TNIP2: variants seen among roughly 807,000 people sequenced by gnomAD.
TNIP2 encodes TNFAIP3 interacting protein 2.
In TNIP2, 30 loss-of-function variants were observed where a neutral mutation model predicts 43.7. The ratio of observed to expected loss-of-function variants is 0.69; its 90% CI spans 0.51 to 0.93. TNIP2 has a LOEUF of 0.93. TNIP2 is among the 40% of genes least tolerant of loss of function. The pLI is 0.00. For missense variants in TNIP2, 599 were observed against 591.0 expected, an observed-to-expected ratio of 1.01 and a Z score of -0.14; for synonymous variants, 260 against 254.6, an observed-to-expected ratio of 1.02 and a Z score of -0.20.
At chr4:2,743,228 G>A (rs761048301) in intron 5 of TNIP2, among the ~76,000 whole-genome samples, 26 of 152,070 alleles carry the variant, frequency 1.7e-4, no homozygotes, top group Non-Finnish European at 3.2e-4. Context: ...AACCCTCGAG[G>A]GGCCACAGGC....
chr4:2,748,589 A>G (rs1327666497), intron 1 of TNIP2, among the ~76,000 whole-genome samples: 2 of 151,440 alleles, frequency 1.3e-5, no homozygotes, highest in African/African-American at 4.9e-5. Context: ...TGATCCGCCT[A>G]CCTCGGCATC....
intron 1 of TNIP2, among the ~76,000 whole-genome samples, chr4:2,749,547 G>C (rs1434917017): frequency 6.6e-6 from 1 of 152,210 alleles, no homozygotes; most frequent in Non-Finnish European, 1.5e-5. Flanking sequence ...AAAGATAGGA[G>C]TGACGTCTTG....
At chr4:2,747,410 CGG>C in intron 2 of TNIP2, 1 of 471,206 alleles carries the variant, frequency 2.1e-6, no homozygotes, top group Non-Finnish European at 3.8e-6. Context: ...CACCTGGGAG[CGG>C]GGTCGGCCAC....
At chr4:2,755,608 T>C (rs578156005) in intron 1 of TNIP2, among the ~76,000 whole-genome samples, 2 of 112,642 alleles carry the variant, frequency 1.8e-5, no homozygotes, top group Admixed American at 2.0e-4. Flanking sequence ...GCCCGTGGTG[T>C]CCCCTTATCC....
chr4:2,742,131 C>A lies in TNIP2; in HGVS notation c.*126G>T. The A allele has an allele frequency of 1.0e-6, 1 of 963,022 alleles. No individual in the cohort carries two copies. Among genetic ancestry groups the A allele is most frequent in the Non-Finnish European group, 1.4e-6 (1 of 715,568 alleles). The allele number at this position is 963,022 out of a possible 1,614,324, so 59.7% of individuals were successfully genotyped here. ...GGACCAAAGTGAACGATCAGAGTGC[C>A]CCGCAACTATTCTAGGGGCCTTGGC... On this transcript the variant is annotated 3_prime_UTR_variant, in exon 6 of 6. Transcript: ENST00000315423.
At chr4:2,753,827 G>C (rs1722160056) in intron 1 of TNIP2, among the ~76,000 whole-genome samples, 1 of 152,228 alleles carries the variant, frequency 6.6e-6, no homozygotes, top group Admixed American at 6.5e-5. Flanking sequence ...AGTGAGTCAG[G>C]ATGTACCTTC....
At position 2,742,413 on chromosome 4, in the gene TNIP2, C is replaced by T; in HGVS notation, c.1134G>A (p.Gly378=). ...GGGGTTCTGGCTGCTGGGACCCAGT[C>T]CCAGGCCTCCAGCCACCAGGCACCA... ...ELMVPGGWRP[G]TGSQQPEPPA... The change falls in exon 6 of 6, where the codon GGG becomes GGA. Residue 378 remains glycine, a synonymous_variant. Transcript: ENST00000315423. The T allele has an allele frequency of 1.9e-6, 3 of 1,612,676 alleles. No homozygotes were observed. The highest frequency in any genetic ancestry group is 2.5e-6 in the Non-Finnish European group (3 of 1,179,238).
rs1721927805 is a variant in TNIP2 at position 2,745,653 on chromosome 4, G to A, written c.568-118C>T. Reference sequence around the variant, plus strand: ...TGCGTCCCCCAGTGCAGCGGGTAGTGATCATTCATTTGGTAGAGAAGCAAA... The same window carrying A: ...TGCGTCCCCCAGTGCAGCGGGTAGTAATCATTCATTTGGTAGAGAAGCAAA... On this transcript the variant is annotated intron_variant, in intron 2 of 5. Transcript: ENST00000315423. 1.7e-5 allele frequency: 12 copies of A among 715,230 alleles called. 1 individual carries two copies. The South Asian group carries it at 1.9e-4, about 11-fold the overall frequency. 44.3% of individuals were successfully genotyped at this position (715,230 alleles called of 1,614,324 possible). A position where few individuals can be genotyped will look rare whatever the true frequency, so the allele number is the denominator to read the frequency against.
intron 2 of TNIP2, among the ~76,000 whole-genome samples, chr4:2,746,605 C>T (rs1396543334): frequency 6.6e-6 from 1 of 152,234 alleles, no homozygotes; most frequent in African/African-American, 2.4e-5. Context: ...CCCCAGTGGG[C>T]GCCTCGGTGA....
At chr4:2,752,868 A>AC (rs1029780050) in intron 1 of TNIP2, among the ~76,000 whole-genome samples, 27 of 151,964 alleles carry the variant, frequency 1.8e-4, no homozygotes, top group African/African-American at 5.8e-4. Context: ...ACATCATGCG[A>AC]CCCCTTCTCT....
rs1393064251 is a variant in TNIP2, at chr4:2,745,472, G to T, written c.631C>A (p.Arg211=). 2 of 1,613,778 alleles carry T rather than the reference G, an allele frequency of 1.2e-6. No homozygotes were observed. Among genetic ancestry groups the T allele is most frequent in the Non-Finnish European group, 1.7e-6 (2 of 1,179,780 alleles). ...TGAGTCACCTTCTGTTTTAACAGTC[G>T]ATTTTCTTCCTGCAACTTCTCAATA... is the stretch of plus-strand genomic sequence containing the variant. ...SVIEKLQEEN[R]LLKQKVTHVE... Residue 211 remains arginine (R), a synonymous_variant, in exon 3 of 6, where the codon CGA becomes AGA. Coordinates refer to ENST00000315423, the MANE Select transcript of TNIP2 (RefSeq NM_024309.4).
intron 2 of TNIP2, among the ~76,000 whole-genome samples, chr4:2,746,809 G>A (rs1302550114): frequency 6.6e-6 from 1 of 152,232 alleles, no homozygotes; most frequent in Non-Finnish European, 1.5e-5. Flanking sequence ...TCCCCTGCCT[G>A]CCACACACAG....
In TNIP2 at chr4:2,756,005, C is replaced by T. The variant is rs770973220; in HGVS notation, c.276+9G>A. On this transcript the variant is annotated intron_variant, in intron 1 of 5. Transcript: ENST00000315423. ...GCTCCCGCAGCTCCTCTGGTACCCG[C>T]CCTCGTACCTGGCGCATCTGGGCCT... The T allele has an allele frequency of 6.5e-7, 1 of 1,545,146 alleles. No individual in the cohort carries two copies. Among genetic ancestry groups the T allele is most frequent in the Admixed American group, 1.9e-5 (1 of 53,080 alleles).
chr4:2,745,787 C>G (rs546794757), intron 2 of TNIP2, among the ~76,000 whole-genome samples: 1 of 152,382 alleles, frequency 6.6e-6, no homozygotes, highest in Admixed American at 6.5e-5. Context: ...CTGTCCTTAT[C>G]CCGTCCCACC....
rs1721913147 is a variant in TNIP2, at chr4:2,745,188, C to G, written c.658-243G>C. ...GGTGGACTCGGTGCAGCTTTGCTGTCTTAGAAAATGGACCTCCTGCTGCTA... is the reference window on the plus strand; with the variant it reads ...GGTGGACTCGGTGCAGCTTTGCTGTGTTAGAAAATGGACCTCCTGCTGCTA... On this transcript the variant is annotated intron_variant, in intron 3 of 5. Transcript: ENST00000315423. 6.5e-6 allele frequency: 4 copies of G among 613,478 alleles called. No individual in the cohort carries two copies. The Admixed American group carries it at 1.2e-4, about 18-fold the overall frequency. The allele number at this position is 613,478 out of a possible 1,614,324, so 38.0% of individuals were successfully genotyped here.
chr4:2,756,259 C>T lies in TNIP2; in HGVS notation c.31G>A (p.Glu11Lys). 1 of 1,432,134 alleles carries T rather than the reference C, an allele frequency of 7.0e-7. No individual in the cohort carries two copies. The highest frequency in any genetic ancestry group is 9.1e-7 in the Non-Finnish European group (1 of 1,097,024). The allele number at this position is 1,432,134 out of a possible 1,614,324, so 88.7% of individuals were successfully genotyped here. A position where few individuals can be genotyped will look rare whatever the true frequency, so the allele number is the denominator to read the frequency against. MSRDPGSGGW[E>K]EAPRAAAALC... The stretch of plus-strand genomic sequence containing the variant: ...GCGGCAGCTGCGCGCGGGGCCTCCT[C>T]CCAGCCGCCCGACCCCGGGTCCCGG... Residue 11 changes from glutamate to lysine, a missense_variant, in exon 1 of 6, where the codon GAG becomes AAG. Coordinates refer to ENST00000315423, the MANE Select transcript of TNIP2 (RefSeq NM_024309.4).
chr4:2,748,048 C>T (rs912377200), intron 1 of TNIP2, 103 bp from the exon 2 acceptor site: 3 of 1,245,914 alleles, frequency 2.4e-6, no homozygotes, highest in Admixed American at 4.5e-5. Context: ...TGCCCCATCA[C>T]CAGACACAAA....
chr4:2,753,614 G>A (rs1376398398), intron 1 of TNIP2, among the ~76,000 whole-genome samples: 2 of 152,214 alleles, frequency 1.3e-5, no homozygotes, highest in Non-Finnish European at 1.5e-5. Context: ...GGGAACACAT[G>A]TGAGCGGAAC....
intron 3 of TNIP2, 110 bp from the exon 4 acceptor site, chr4:2,745,055 C>G (rs955969522): frequency 1.1e-5 from 15 of 1,391,708 alleles, no homozygotes; most frequent in African/African-American, 1.0e-4. Context: ...TGAGAGTTTC[C>G]TCTTAAATGG....
Sources: allele counts gnomAD v4.1 joint callset (sites outside exome capture counted in the v4.1 genomes callset), GRCh38; gene constraint gnomAD v4.1.1; transcripts MANE v1.5; gene names NCBI Gene and HGNC (gene_info 2026-07-23, HGNC 2026-07-21).